Variants in UBE2F observed in about 807,000 individuals in gnomAD.
UBE2F encodes the protein NEDD8-conjugating enzyme UBE2F.
In UBE2F, 5 loss-of-function variants were observed where a neutral mutation model predicts 29.6. The observed-to-expected ratio is 0.17, with a 90% confidence interval of 0.09 to 0.36. The LOEUF (loss-of-function observed/expected upper bound fraction) is 0.36. Ranked by LOEUF, UBE2F falls within the 10% of genes least tolerant of loss-of-function variation. UBE2F has a pLI of 1.00. For synonymous variants in UBE2F, 66 were observed against 81.8 expected (o/e 0.81, Z 1.04); for missense variants, 141 against 228.5 (o/e 0.62, Z 2.47).
chr2:238,001,916 C>G (rs1284269228), intron 4 of UBE2F, among the ~76,000 whole-genome samples: 1 of 152,112 alleles, frequency 6.6e-6, no homozygotes, highest in Non-Finnish European at 1.5e-5. Flanking sequence ...ATAAAAACTC[C>G]CTGATACATG....
intron 8 of UBE2F, among the ~76,000 whole-genome samples, chr2:238,034,405 G>A (rs534718608): frequency 6.6e-6 from 1 of 151,986 alleles, no homozygotes; most frequent in East Asian, 1.9e-4. Flanking sequence ...TCCAGGCTGG[G>A]CAACAAGAGC....
intron 4 of UBE2F, among the ~76,000 whole-genome samples, chr2:238,016,295 A>G (rs1259058258): frequency 6.6e-6 from 1 of 152,174 alleles, no homozygotes; most frequent in Non-Finnish European, 1.5e-5. Flanking sequence ...AGATGGCCCC[A>G]GAAGGATGTC....
At chr2:237,980,849 A>G (rs1194819904) in intron 2 of UBE2F, among the ~76,000 whole-genome samples, 1 of 152,228 alleles carries the variant, frequency 6.6e-6, no homozygotes, top group Non-Finnish European at 1.5e-5. Context: ...GTCAGGGAGC[A>G]GGCGGCAAGG....
chr2:237,988,790 T>C (rs530332332), intron 3 of UBE2F, among the ~76,000 whole-genome samples: 1 of 152,288 alleles, frequency 6.6e-6, no homozygotes, highest in African/African-American at 2.4e-5. Context: ...TTGTTAGGGA[T>C]GATACCAGCT....
intron 4 of UBE2F, among the ~76,000 whole-genome samples, chr2:238,004,981 G>C (rs371290923): frequency 5.1e-4 from 78 of 152,308 alleles, no homozygotes; most frequent in African/African-American, 1.8e-3. Context: ...GGGGCATCCA[G>C]AAAGGAGTGC....
At chr2:238,028,782 GCT>G (rs2064496000) in intron 6 of UBE2F, among the ~76,000 whole-genome samples, 1 of 152,016 alleles carries the variant, frequency 6.6e-6, no homozygotes, top group South Asian at 2.1e-4. Flanking sequence ...ATTTAAACAT[GCT>G]CTAATTCAAA....
chr2:238,030,926 A>G (rs112290337), intron 7 of UBE2F, among the ~76,000 whole-genome samples: 119 of 152,350 alleles, frequency 7.8e-4, no homozygotes, highest in African/African-American at 2.8e-3. Flanking sequence ...CATTCATTCA[A>G]CAGGGATGTC....
intron 5 of UBE2F, among the ~76,000 whole-genome samples, chr2:238,017,126 G>A (rs1343697908): frequency 2.6e-5 from 4 of 152,130 alleles, no homozygotes; most frequent in African/African-American, 9.7e-5. Context: ...CTTTGCTTTG[G>A]TGGAACTTAC....
intron 4 of UBE2F, among the ~76,000 whole-genome samples, chr2:238,016,306 C>T (rs779945645): frequency 2.0e-5 from 3 of 152,098 alleles, no homozygotes; most frequent in Non-Finnish European, 4.4e-5. Flanking sequence ...GAAGGATGTC[C>T]CTTCCCTTCC....
At chr2:238,005,548 G>A (rs1421850003) in intron 4 of UBE2F, among the ~76,000 whole-genome samples, 12 of 151,820 alleles carry the variant, frequency 7.9e-5, no homozygotes, top group Non-Finnish European at 1.8e-4. Context: ...GGTTAGGTCT[G>A]TGATCCAGTT....
At chr2:238,003,294 T>C (rs1000348959) in intron 4 of UBE2F, 1 of 464,812 alleles carries the variant, frequency 2.2e-6, no homozygotes, top group East Asian at 7.0e-5. Flanking sequence ...TCTTAAAATG[T>C]CAGTTATCTG....
chr2:237,996,610 G>A (rs913334969), intron 4 of UBE2F, among the ~76,000 whole-genome samples: 1 of 151,788 alleles, frequency 6.6e-6, no homozygotes, highest in Non-Finnish European at 1.5e-5. Context: ...TGAGTAGCTG[G>A]GATTACAGGC....
chr2:238,005,189 A>C (rs1301662350), intron 4 of UBE2F, among the ~76,000 whole-genome samples: 1 of 152,142 alleles, frequency 6.6e-6, no homozygotes, highest in African/African-American at 2.4e-5. Flanking sequence ...ATTTTCTCTT[A>C]TTTTTAAAAT....
intron 4 of UBE2F, among the ~76,000 whole-genome samples, chr2:238,015,206 G>T (rs2064125591): frequency 6.6e-6 from 1 of 152,172 alleles, no homozygotes; most frequent in African/African-American, 2.4e-5. Flanking sequence ...AGAAAGATTA[G>T]CTTCTTAAAA....
At chr2:238,041,265 T>C in intron 9 of UBE2F, 23 bp from the exon 10 acceptor site, 1 of 1,612,128 alleles carries the variant, frequency 6.2e-7, no homozygotes, top group South Asian at 1.1e-5. Context: ...CTTCTTTCTG[T>C]CCCCAATGCT....
At chr2:238,038,907 C>T (rs768272857) in intron 9 of UBE2F, among the ~76,000 whole-genome samples, 4 of 152,208 alleles carry the variant, frequency 2.6e-5, no homozygotes, top group African/African-American at 9.6e-5. Flanking sequence ...GTCCCTGTGG[C>T]GCACACATTC....
intron 2 of UBE2F, among the ~76,000 whole-genome samples, chr2:237,983,432 C>G (rs1031814306): frequency 2.6e-5 from 4 of 152,212 alleles, no homozygotes; most frequent in African/African-American, 9.7e-5. Flanking sequence ...ATTCCATATA[C>G]CTGGGCCCTA....
intron 3 of UBE2F, among the ~76,000 whole-genome samples, chr2:237,992,785 G>A (rs997668954): frequency 1.3e-5 from 2 of 152,164 alleles, no homozygotes; most frequent in East Asian, 3.8e-4. Context: ...GGACTAGATC[G>A]TCTCTAAGGT....
intron 5 of UBE2F, among the ~76,000 whole-genome samples, chr2:238,017,545 A>C (rs368277694): frequency 6.6e-6 from 1 of 152,192 alleles, no homozygotes; most frequent in Non-Finnish European, 1.5e-5. Flanking sequence ...GTGACAAACC[A>C]CTGGAGAGTC....
Sources: gnomAD v4.1 joint callset for allele counts (sites outside exome capture counted in the v4.1 genomes callset) on GRCh38, gnomAD v4.1.1 for gene constraint, MANE v1.5 for transcripts, NCBI Gene and HGNC (gene_info 2026-07-23, HGNC 2026-07-21) for gene names.